Variants in PRDM16 observed in about 807,000 individuals in gnomAD.
PRDM16 encodes the protein PR/SET domain 16, also known as histone-lysine N-methyltransferase PRDM16.
Under a neutral mutation model 110.6 loss-of-function variants are expected in PRDM16, and 23 were observed. That is an observed-to-expected ratio of 0.21 (90% CI 0.15 to 0.29). The LOEUF (loss-of-function observed/expected upper bound fraction) is 0.29, where lower values mean the gene tolerates loss of function less well. Among genes scored for constraint, PRDM16 ranks in the 10% least tolerant of loss-of-function variants. The pLI is 1.00. For missense variants in PRDM16, 1,615 were observed against 1,794.3 expected, an observed-to-expected ratio of 0.90 and a Z score of 1.81; for synonymous variants, 799 against 781.8, an observed-to-expected ratio of 1.02 and a Z score of -0.37.
chr1:3,396,309 G>GACGCA (rs1182938704), intron 4 of PRDM16, 182 bp from the exon 5 acceptor site: 3 of 677,076 alleles, frequency 4.4e-6, no homozygotes, highest in Non-Finnish European at 8.1e-6. Flanking sequence ...ATTAAAAGGG[G>GACGCA]ACGCAATTCC....
At chr1:3,112,985 C>T (rs1295285195) in intron 1 of PRDM16, among the ~76,000 whole-genome samples, 2 of 152,260 alleles carry the variant, frequency 1.3e-5, no homozygotes, top group East Asian at 3.8e-4. Flanking sequence ...GGGTGTGCTC[C>T]CTGTGCCATG....
chr1:3,324,279 G>GC (rs1453593190), intron 3 of PRDM16, among the ~76,000 whole-genome samples: 3 of 152,036 alleles, frequency 2.0e-5, no homozygotes, highest in Non-Finnish European at 4.4e-5. Context: ...CTGCAGGGTC[G>GC]CCCCCAGCCT....
At chr1:3,118,457 C>T (rs1272161258) in intron 1 of PRDM16, among the ~76,000 whole-genome samples, 1 of 152,148 alleles carries the variant, frequency 6.6e-6, no homozygotes, top group Non-Finnish European at 1.5e-5. Context: ...GGCAAGGGGG[C>T]AGCTTTGGGA....
At chr1:3,124,857 T>A (rs1229836545) in intron 1 of PRDM16, among the ~76,000 whole-genome samples, 1 of 152,036 alleles carries the variant, frequency 6.6e-6, no homozygotes, top group Non-Finnish European at 1.5e-5. Context: ...CACAGCCCCC[T>A]CCCTGCTCCC....
chr1:3,429,787 G>A (rs966138122), intron 14 of PRDM16, among the ~76,000 whole-genome samples: 2 of 152,234 alleles, frequency 1.3e-5, no homozygotes, highest in Admixed American at 6.5e-5. Context: ...AGATAGACAC[G>A]TGGCCCATCT....
At chr1:3,214,075 G>T (rs1049802534) in intron 2 of PRDM16, among the ~76,000 whole-genome samples, 2 of 152,204 alleles carry the variant, frequency 1.3e-5, no homozygotes, top group African/African-American at 4.8e-5. Context: ...CAGGATGCAG[G>T]ACTGCCCGGG....
chr1:3,320,332 G>C (rs1641711042), intron 3 of PRDM16, among the ~76,000 whole-genome samples: 1 of 152,172 alleles, frequency 6.6e-6, no homozygotes, highest in Admixed American at 6.5e-5. Flanking sequence ...GTGTGTGCGT[G>C]TGTGTGTATG....
intron 1 of PRDM16, among the ~76,000 whole-genome samples, chr1:3,176,073 A>G (rs891201021): frequency 2.0e-4 from 30 of 152,212 alleles, no homozygotes; most frequent in African/African-American, 7.0e-4. Context: ...CCATCCATCC[A>G]TCCATCCATC....
intron 1 of PRDM16, among the ~76,000 whole-genome samples, chr1:3,117,986 A>T (rs748788585): frequency 6.6e-6 from 1 of 151,682 alleles, no homozygotes; most frequent in Non-Finnish European, 1.5e-5. Flanking sequence ...GTGTGTGTGT[A>T]CATGCACGCG....
At chr1:3,293,935 A>T (rs1021801988) in intron 3 of PRDM16, among the ~76,000 whole-genome samples, 1 of 152,056 alleles carries the variant, frequency 6.6e-6, no homozygotes, top group Non-Finnish European at 1.5e-5. Flanking sequence ...GCAGTGTGTG[A>T]GTGCGTGCGT....
At chr1:3,388,587 C>T (rs1052082485) in intron 4 of PRDM16, among the ~76,000 whole-genome samples, 1 of 152,210 alleles carries the variant, frequency 6.6e-6, no homozygotes, top group African/African-American at 2.4e-5. Flanking sequence ...CACAGCCTCC[C>T]AGAAGAGATG....
At chr1:3,188,587 C>G (rs954374139) in intron 2 of PRDM16, among the ~76,000 whole-genome samples, 2 of 152,196 alleles carry the variant, frequency 1.3e-5, no homozygotes, top group Non-Finnish European at 2.9e-5. Context: ...CTCCTGCCGG[C>G]GCTTAGAAAT....
At position 3,081,117 on chromosome 1, in the gene PRDM16, G is replaced by A. The variant is rs1233548826; in HGVS notation, c.37+11821G>A. 2.0e-5 allele frequency among the ~76,000 whole-genome samples: 3 copies of A among 152,154 alleles called. No homozygotes were observed. The highest frequency in any genetic ancestry group is 2.4e-5 in the African/African-American group (1 of 41,430). Reference sequence around the variant, plus strand: ...ATCTGAACCGCAGGGCAGAGGCCCCGGAGTCTTAACTTTCCCTCCGTCGAA... The same window carrying A: ...ATCTGAACCGCAGGGCAGAGGCCCCAGAGTCTTAACTTTCCCTCCGTCGAA... On this transcript the variant is annotated intron_variant, in intron 1 of 16. Transcript: ENST00000270722. This position sits in a 1 kb window ranked among gnomAD's most constrained non-coding sequence, Gnocchi z 4.6.
At chr1:3,137,812 G>A (rs151194257) in intron 1 of PRDM16, among the ~76,000 whole-genome samples, 156 of 152,324 alleles carry the variant, frequency 1.0e-3, no homozygotes, top group Middle Eastern at 3.4e-3. Flanking sequence ...CAGCACCTGC[G>A]GCTGGGACCT....
At chr1:3,368,818 C>T (rs1642861682) in intron 3 of PRDM16, among the ~76,000 whole-genome samples, 1 of 152,208 alleles carries the variant, frequency 6.6e-6, no homozygotes, top group Middle Eastern at 3.4e-3. Flanking sequence ...CCATCTTTGT[C>T]TTTTTCAACA....
chr1:3,353,816 C>G lies in PRDM16; in HGVS notation c.439-31336C>G, dbSNP rs762906893. Among the ~76,000 whole-genome samples, 4 of 152,112 alleles carry G rather than the reference C, an allele frequency of 2.6e-5. No homozygotes were observed. Among genetic ancestry groups the G allele is most frequent in the Non-Finnish European group, 4.4e-5 (3 of 67,996 alleles). On this transcript the variant is annotated intron_variant, in intron 3 of 16. Transcript: ENST00000270722. This position sits in a 1 kb window ranked among gnomAD's most constrained non-coding sequence, Gnocchi z 5.4. ...TGTCACCAGGCCTTACCCTGGGGAC[C>G]CCTGCTCCCAGCGGAGCCAGTAGTG... is the stretch of plus-strand genomic sequence containing the variant.
intron 2 of PRDM16, among the ~76,000 whole-genome samples, chr1:3,194,118 G>A (rs80115654): frequency 0.011 from 1,707 of 152,342 alleles, 33 homozygotes; most frequent in South Asian, 0.047. Flanking sequence ...CCAGACCGCC[G>A]GGCAAGGGAC....
chr1:3,433,646 T>C, intron 16 of PRDM16, 31 bp from the exon 17 acceptor site: 1 of 1,605,066 alleles, frequency 6.2e-7, no homozygotes, highest in Non-Finnish European at 8.5e-7. Context: ...CACCTGCCTG[T>C]CCTGTGTGTG....
rs776122259 is a variant in PRDM16 at position 3,069,289 on chromosome 1, A to G, written c.30A>G (p.Leu10=). Reference sequence around the variant, plus strand: ...GATCCAAGGCGAGGGCGAGGAAGCTAGCCAAAAGTAAGTCTCCCGCGCTCG... The same window carrying G: ...GATCCAAGGCGAGGGCGAGGAAGCTGGCCAAAAGTAAGTCTCCCGCGCTCG... The part of the protein sequence containing the change: MRSKARARK[L]AKSDGDVVNN... Residue 10 remains leucine (L), a synonymous_variant, in exon 1 of 17, where the codon CTA becomes CTG. Coordinates refer to ENST00000270722, the MANE Select transcript of PRDM16 (RefSeq NM_022114.4). This position sits in a 1 kb window ranked among gnomAD's most constrained non-coding sequence, Gnocchi z 6.1. The G allele has an allele frequency of 4.4e-5, 68 of 1,538,564 alleles. No homozygotes were observed. The East Asian group carries it at 1.7e-3, about 40-fold the overall frequency.
Sources: gnomAD v4.1 joint callset for allele counts (sites outside exome capture counted in the v4.1 genomes callset) on GRCh38, gnomAD v4.1.1 for gene constraint, Gnocchi (gnomAD v3.1) non-coding constraint, MANE v1.5 for transcripts, NCBI Gene and HGNC (gene_info 2026-07-23, HGNC 2026-07-21) for gene names.